Variants in GREM1 observed in about 807,000 individuals in gnomAD.
GREM1 encodes gremlin 1, DAN family BMP antagonist.
Under a neutral mutation model 13.1 loss-of-function variants are expected in GREM1, and 6 were observed. The observed-to-expected ratio is 0.46, with a 90% confidence interval of 0.25 to 0.91. The LOEUF (loss-of-function observed/expected upper bound fraction) is 0.91. GREM1 is among the 40% of genes least tolerant of loss of function. The pLI, the probability that GREM1 is intolerant of heterozygous loss-of-function variation, is 0.18. For missense variants in GREM1, 185 were observed against 233.9 expected (o/e 0.79, Z 1.36); for synonymous variants, 98 against 93.7 (o/e 1.05, Z -0.27).
intron 1 of GREM1, 62 bp downstream of exon 1, chr15:32,718,223 C>A: frequency 1.6e-6 from 2 of 1,246,018 alleles, no homozygotes; most frequent in Non-Finnish European, 2.1e-6. Flanking sequence ...CGCAAACCAA[C>A]CCAGGACCCG....
intron 1 of GREM1, among the ~76,000 whole-genome samples, chr15:32,726,865 G>GAAT (rs749364619): frequency 2.4e-4 from 36 of 152,184 alleles, no homozygotes; most frequent in Non-Finnish European, 4.9e-4. Flanking sequence ...TACCATCAGA[G>GAAT]AATACTATAA....
chr15:32,730,746 T>G lies in GREM1; in HGVS notation c.56T>G (p.Leu19Arg), dbSNP rs766332214. Residue 19 changes from leucine to arginine, a missense_variant, in exon 2 of 2, where the codon CTG becomes CGG. Physicochemically the swap from Leu to Arg is moderately radical, Grantham distance 102. Coordinates refer to ENST00000651154, the MANE Select transcript of GREM1 (RefSeq NM_013372.7). ...GALLLLLGTLLPAAEGKKKGS... is the reference protein window; with the variant it reads ...GALLLLLGTLRPAAEGKKKGS... ...CTGCTTCTCCTCTTGGGGACCCTGC[T>G]GCCGGCTGCTGAAGGGAAAAAGAAA... 2 of 1,603,944 alleles carry G rather than the reference T, an allele frequency of 1.2e-6. No homozygotes were observed. The highest frequency in any genetic ancestry group is 3.4e-5 in the Admixed American group (2 of 58,890).
chr15:32,730,490 T>G lies in GREM1; in HGVS notation c.-1-200T>G, dbSNP rs1444150415. Among the ~76,000 whole-genome samples the G allele has an allele frequency of 2.0e-5, 3 of 152,332 alleles. No homozygotes were observed. In the East Asian group the frequency reaches 5.8e-4, roughly 29 times the overall value. On this transcript the variant is annotated intron_variant, in intron 1 of 1. Transcript: ENST00000651154. ...CCTTGACTTAGTCACTGTGGGACTCTGGGTGAGTTACTCCATGGATTGATG... is the reference window on the plus strand; with the variant it reads ...CCTTGACTTAGTCACTGTGGGACTCGGGGTGAGTTACTCCATGGATTGATG...
At chr15:32,718,792 C>A (rs1206328875) in intron 1 of GREM1, 1 of 271,940 alleles carries the variant, frequency 3.7e-6, no homozygotes, top group Non-Finnish European at 7.3e-6. Flanking sequence ...CGGTGCGGGG[C>A]GCGGCCCTGG....
At chr15:32,719,760 C>G (rs1314516107) in intron 1 of GREM1, among the ~76,000 whole-genome samples, 1 of 152,202 alleles carries the variant, frequency 6.6e-6, no homozygotes, top group Non-Finnish European at 1.5e-5. Flanking sequence ...TCTGGCTGTA[C>G]ACACAAGTTA....
At position 32,734,652 on chromosome 15, in the gene GREM1, A is replaced by C; in HGVS notation, c.*3407A>C. The C allele has an allele frequency of 4.1e-6, 1 of 241,588 alleles. No homozygotes were observed. The allele number at this position is 241,588 out of a possible 1,614,324, so 15.0% of individuals were successfully genotyped here. A position where few individuals can be genotyped will look rare whatever the true frequency, so the allele number is the denominator to read the frequency against. On this transcript the variant is annotated 3_prime_UTR_variant, in exon 2 of 2. Transcript: ENST00000651154. ...TTTGCTAAAGAGCAACTAATAAATT[A>C]AACCTATTCTTTCTGTGTGTGTGAG... is the stretch of plus-strand genomic sequence containing the variant.
chr15:32,731,445 A>G lies in GREM1; in HGVS notation c.*200A>G, dbSNP rs185217380. 6.5e-6 allele frequency: 4 copies of G among 611,366 alleles called. No homozygotes were observed. In the Admixed American group the frequency reaches 9.0e-5, roughly 14 times the overall value. The allele number at this position is 611,366 out of a possible 1,614,324, so 37.9% of individuals were successfully genotyped here. ...TGGGTGTTTTTAGACACCAGAGAAA[A>G]CACAGTCTCTGCTAGAGAGCACTCC... is the stretch of plus-strand genomic sequence containing the variant. On this transcript the variant is annotated 3_prime_UTR_variant, in exon 2 of 2. Transcript: ENST00000651154.
intron 1 of GREM1, among the ~76,000 whole-genome samples, chr15:32,723,273 T>A (rs2055440997): frequency 6.6e-6 from 1 of 152,192 alleles, no homozygotes; most frequent in Non-Finnish European, 1.5e-5. Flanking sequence ...ACATCACTAC[T>A]ATTTCCTTCA....
chr15:32,743,452 T>A lies in GREM1; in HGVS notation c.*12207T>A, dbSNP rs2055778860. ...AGCCAACTTTTGAAGTATCCTATAG[T>A]ACTTATATATTGCTTGGTAACAAAT... is the stretch of plus-strand genomic sequence containing the variant. On this transcript the variant is annotated 3_prime_UTR_variant, in exon 2 of 2. Transcript: ENST00000651154. 6.6e-6 allele frequency: 1 copy of A among 152,198 alleles called. No homozygotes were observed. The highest frequency in any genetic ancestry group is 2.1e-4 in the South Asian group (1 of 4,826). 9.4% of individuals were successfully genotyped at this position (152,198 alleles called of 1,614,324 possible).
rs2055634490 is a variant in GREM1 at position 32,732,358 on chromosome 15, A to G, written c.*1113A>G. 4.1e-6 allele frequency: 1 copy of G among 243,078 alleles called. No individual in the cohort carries two copies. Among genetic ancestry groups the G allele is most frequent in the Non-Finnish European group, 8.7e-6 (1 of 115,062 alleles). 15.1% of individuals were successfully genotyped at this position (243,078 alleles called of 1,614,324 possible). A position where few individuals can be genotyped will look rare whatever the true frequency, so the allele number is the denominator to read the frequency against. ...CTTCTGAGAGCCACTAACTTGATTGATAAAGATCCTGCCTCTGCTGAGTGT... is the reference window on the plus strand; with the variant it reads ...CTTCTGAGAGCCACTAACTTGATTGGTAAAGATCCTGCCTCTGCTGAGTGT... On this transcript the variant is annotated 3_prime_UTR_variant, in exon 2 of 2. Transcript: ENST00000651154.
chr15:32,726,801 C>G (rs2055515280), intron 1 of GREM1, among the ~76,000 whole-genome samples: 1 of 148,802 alleles, frequency 6.7e-6, no homozygotes, highest in South Asian at 2.1e-4. Flanking sequence ...AGACAATAGA[C>G]ACAATAAAAA....
rs1201515319 is a variant in GREM1, at chr15:32,734,861, G to T, written c.*3616G>T. 1 of 176,730 alleles carries T rather than the reference G, an allele frequency of 5.7e-6. No individual in the cohort carries two copies. Among genetic ancestry groups the T allele is most frequent in the East Asian group, 9.8e-5 (1 of 10,158 alleles). 10.9% of individuals were successfully genotyped at this position (176,730 alleles called of 1,614,324 possible). The stretch of plus-strand genomic sequence containing the variant: ...ACACTTCAGGTTGTGGCAAGGGAGA[G>T]CTGGTCTGCAATCGGAAGTACCAGC... On this transcript the variant is annotated 3_prime_UTR_variant, in exon 2 of 2. Transcript: ENST00000651154.
intron 1 of GREM1, among the ~76,000 whole-genome samples, chr15:32,728,495 T>C (rs1229847314): frequency 6.6e-6 from 1 of 151,964 alleles, no homozygotes; most frequent in East Asian, 1.9e-4. Context: ...TTTAAAGATA[T>C]CTTAAATTCA....
rs755799933 is a variant in GREM1 at position 32,730,900 on chromosome 15, G to C, written c.210G>C (p.Gly70=). 6.8e-6 allele frequency: 11 copies of C among 1,613,770 alleles called. No individual in the cohort carries two copies. The highest frequency in any genetic ancestry group is 2.5e-6 in the Non-Finnish European group (3 of 1,179,876). The change falls in exon 2 of 2, where the codon GGG becomes GGC. Residue 70 remains glycine, a synonymous_variant. Transcript: ENST00000651154. The part of the protein sequence containing the change: ...RGQGRGTAMP[G]EEVLESSQEA... ...AAGGGCGGGGCACTGCCATGCCCGG[G>C]GAGGAGGTGCTGGAGTCCAGCCAAG...
intron 1 of GREM1, among the ~76,000 whole-genome samples, chr15:32,723,852 G>C (rs1008651085): frequency 6.6e-6 from 1 of 152,298 alleles, no homozygotes; most frequent in African/African-American, 2.4e-5. Flanking sequence ...AAAAGTCAGG[G>C]ACATTTGGAG....
chr15:32,721,011 C>T (rs1401493994), intron 1 of GREM1, among the ~76,000 whole-genome samples: 1 of 152,114 alleles, frequency 6.6e-6, no homozygotes, highest in Non-Finnish European at 1.5e-5. Context: ...ACAAAATTAG[C>T]CAGGCATGGT....
chr15:32,726,180 C>T (rs536996798), intron 1 of GREM1, among the ~76,000 whole-genome samples: 35 of 152,186 alleles, frequency 2.3e-4, no homozygotes, highest in African/African-American at 7.7e-4. Flanking sequence ...CTCTCCACCC[C>T]AAATCAACAG....
chr15:32,738,125 A>AAAAAAAAAAAAAACCAAAC lies in GREM1; in HGVS notation c.*6888_*6889insAAAAACCAAACAAAAAAAA. 3.6e-4 allele frequency: 10 copies of AAAAAAAAAAAAAACCAAAC among 27,986 alleles called. No homozygotes were observed. The highest frequency in any genetic ancestry group is 1.4e-3 in the African/African-American group (9 of 6,600). 1.7% of individuals were successfully genotyped at this position (27,986 alleles called of 1,614,324 possible). A position where few individuals can be genotyped will look rare whatever the true frequency, so the allele number is the denominator to read the frequency against. On this transcript the variant is annotated 3_prime_UTR_variant, in exon 2 of 2. Coordinates refer to ENST00000651154, the MANE Select transcript of GREM1 (RefSeq NM_013372.7). Reference sequence around the variant, plus strand: ...AAAAAAAAAAAAAAAAAAAAAAAAAAAAAAAAAAGAAAAGAAAAAAGTCAT... The same window carrying AAAAAAAAAAAAAACCAAAC: ...AAAAAAAAAAAAAAAAAAAAAAAAAAAAAAAAAAAAAAACCAAACAAAAAAAAGAAAAGAAAAAAGTCAT...
rs745703433 is a variant in GREM1 at position 32,742,201 on chromosome 15, A to G, written c.*10956A>G. On this transcript the variant is annotated 3_prime_UTR_variant, in exon 2 of 2. Coordinates refer to ENST00000651154, the MANE Select transcript of GREM1 (RefSeq NM_013372.7). ...ATTCTGGCTTCATAAAATAAGTTAG[A>G]AAGTGTTCTCTCTTCTTTGATTTTT... 3 of 152,108 alleles carry G rather than the reference A, an allele frequency of 2.0e-5. No homozygotes were observed. The highest frequency in any genetic ancestry group is 7.2e-5 in the African/African-American group (3 of 41,430). The allele number at this position is 152,108 out of a possible 1,614,324, so 9.4% of individuals were successfully genotyped here.
Sources: gnomAD v4.1 joint callset for allele counts (sites outside exome capture counted in the v4.1 genomes callset) on GRCh38, gnomAD v4.1.1 for gene constraint, MANE v1.5 for transcripts, NCBI Gene and HGNC (gene_info 2026-07-23, HGNC 2026-07-21) for gene names.